The following MASP1 variants were observed in gnomAD, a reference collection of about 807,000 sequenced individuals.
The protein encoded by MASP1 is MBL associated serine protease 1.
In MASP1, 59 loss-of-function variants were observed where a neutral mutation model predicts 77.1. That is an observed-to-expected ratio of 0.77 (90% CI 0.62 to 0.95). MASP1 has a LOEUF of 0.95. MASP1 is among the 40% of genes least tolerant of loss of function. The pLI, the probability that MASP1 is intolerant of heterozygous loss-of-function variation, is 0.00. For synonymous variants in MASP1, 362 were observed against 354.5 expected, an observed-to-expected ratio of 1.02 and a Z score of -0.24; for missense variants, 885 against 912.9, an observed-to-expected ratio of 0.97 and a Z score of 0.39.
chr3:187,231,313 T>A (rs1579470366), downstream of MASP1, among the ~76,000 whole-genome samples: 1 of 152,216 alleles, frequency 6.6e-6, no homozygotes, highest in Non-Finnish European at 1.5e-5. Context: ...CAAAACACAG[T>A]CAAGACTTTT....
At chr3:187,223,136 G>A (rs778858434) in exon 14 of MASP1, 1 of 1,613,840 alleles carries the variant, frequency 6.2e-7, no homozygotes, top group Non-Finnish European at 8.5e-7. Context: ...CCTCCATCAG[G>A]GTCTCTGGGA....
At chr3:187,232,154 A>G (rs550150773), downstream of MASP1, among the ~76,000 whole-genome samples, 258 of 152,078 alleles carry the variant, frequency 1.7e-3, 1 homozygote, top group Non-Finnish European at 2.8e-3. Flanking sequence ...GGTGCTGTTG[A>G]CTACTTCATC....
intron 11 of MASP1, among the ~76,000 whole-genome samples, chr3:187,228,904 C>T (rs1712599409): frequency 1.3e-5 from 2 of 152,292 alleles, no homozygotes; most frequent in African/African-American, 4.8e-5. Context: ...TGATGCCTTG[C>T]CAAAGGGATC....
intron 2 of MASP1, chr3:187,276,919 C>G (rs898785696): frequency 6.6e-6 from 1 of 152,132 alleles, no homozygotes; most frequent in Admixed American, 6.5e-5. Flanking sequence ...GCCGGAAGGT[C>G]GAGGGCATGT....
At chr3:187,238,751 C>T (rs1409549015) in intron 10 of MASP1, among the ~76,000 whole-genome samples, 1 of 152,152 alleles carries the variant, frequency 6.6e-6, no homozygotes, top group East Asian at 1.9e-4. Flanking sequence ...CTACAAGTAG[C>T]CTTGTGCAAA....
rs1378650406 is a variant in MASP1 at position 187,260,742 on chromosome 3, T to A, written c.546A>T (p.Arg182=). The change falls in exon 4 of 11, where the codon CGA becomes CGT. Residue 182 remains arginine (R), a splice_region_variant and synonymous_variant. Coordinates refer to ENST00000296280, the MANE Select transcript of MASP1 (RefSeq NM_139125.4). The part of the protein sequence containing the change: ...YILHTDNRTC[R]VECSDNLFTQ... ...CATACAATCATTGGTAGGCTCTACC[T>A]CGGCAGGTCCTGTTGTCTGTGTGGA... is the stretch of plus-strand genomic sequence containing the variant. The A allele has an allele frequency of 6.2e-7, 1 of 1,614,190 alleles. No individual in the cohort carries two copies. The highest frequency in any genetic ancestry group is 8.5e-7 in the Non-Finnish European group (1 of 1,180,026).
chr3:187,251,571 A>T, intron 7 of MASP1, 63 bp downstream of exon 7: 2 of 1,297,786 alleles, frequency 1.5e-6, no homozygotes, highest in Middle Eastern at 2.2e-4. Context: ...TGCCCTGGGG[A>T]GGGGCAGGTT....
chr3:187,220,308 C>A, intron 15 of MASP1: 1 of 1,554,572 alleles, frequency 6.4e-7, no homozygotes, highest in Non-Finnish European at 8.8e-7. Context: ...CCCTTCCCAG[C>A]CCAAGTCTCC....
intron 15 of MASP1, chr3:187,220,265 G>A: frequency 5.0e-6 from 8 of 1,613,662 alleles, no homozygotes; most frequent in Non-Finnish European, 6.8e-6. Flanking sequence ...TTTCCCCCTA[G>A]GTGAAAAAGA....
chr3:187,253,390 C>T (rs1714799160), intron 5 of MASP1, 75 bp from the exon 6 acceptor site: 4 of 1,464,056 alleles, frequency 2.7e-6, no homozygotes, highest in Admixed American at 1.7e-5. Context: ...GCAGGTAACA[C>T]CTCTCCACTG....
chr3:187,220,606 T>C (rs1176629443), intron 15 of MASP1, among the ~76,000 whole-genome samples: 5 of 150,732 alleles, frequency 3.3e-5, no homozygotes, highest in Non-Finnish European at 5.9e-5. Flanking sequence ...CAAGTGATTC[T>C]CCCTCCTCAG....
At chr3:187,230,441 A>C (rs1712700115), downstream of MASP1, among the ~76,000 whole-genome samples, 1 of 152,218 alleles carries the variant, frequency 6.6e-6, no homozygotes, top group East Asian at 1.9e-4. Flanking sequence ...CTTTTGGTAC[A>C]GCCTTTTCAG....
In MASP1 at chr3:187,262,527, C is replaced by T. The variant is rs746067722; in HGVS notation, c.415+16G>A. On this transcript the variant is annotated intron_variant, in intron 3 of 10. Transcript: ENST00000296280. Reference sequence around the variant, plus strand: ...GAGAGAGAGAGACCTGAGGATGAGTCACTTCTCCAACTTACCCACAGCCAT... The same window carrying T: ...GAGAGAGAGAGACCTGAGGATGAGTTACTTCTCCAACTTACCCACAGCCAT... 8.7e-6 allele frequency: 14 copies of T among 1,613,758 alleles called. No individual in the cohort carries two copies. The South Asian group carries it at 9.9e-5, about 11-fold the overall frequency.
At chr3:187,280,540 A>G (rs1031972094) in intron 2 of MASP1, among the ~76,000 whole-genome samples, 1 of 152,220 alleles carries the variant, frequency 6.6e-6, no homozygotes, top group Non-Finnish European at 1.5e-5. Flanking sequence ...GTAAGTATAA[A>G]TGGACCACTT....
intron 9 of MASP1, chr3:187,243,249 A>G (rs927470601): frequency 1.8e-6 from 1 of 551,506 alleles, no homozygotes; most frequent in Non-Finnish European, 3.3e-6. Flanking sequence ...TTAAAGTTAA[A>G]AACAAAAAAG....
chr3:187,243,102 C>G (rs1713793802), intron 9 of MASP1: 1 of 317,408 alleles, frequency 3.2e-6, no homozygotes, highest in Admixed American at 4.4e-5. Flanking sequence ...AACCCCAACT[C>G]AGCCTCAGAC....
chr3:187,251,083 C>A (rs1234508825), intron 7 of MASP1, among the ~76,000 whole-genome samples: 2 of 152,110 alleles, frequency 1.3e-5, no homozygotes, highest in Non-Finnish European at 2.9e-5. Context: ...CTCAGCCTCC[C>A]AAGTAGCTGG....
chr3:187,282,207 A>C (rs1290335847), intron 2 of MASP1, among the ~76,000 whole-genome samples: 1 of 152,172 alleles, frequency 6.6e-6, no homozygotes, highest in Admixed American at 6.5e-5. Context: ...GAAGATTTTC[A>C]AGAAGAAAAT....
chr3:187,259,885 T>C (rs1240062624), intron 4 of MASP1, among the ~76,000 whole-genome samples: 2 of 152,224 alleles, frequency 1.3e-5, no homozygotes, highest in East Asian at 3.8e-4. Flanking sequence ...CACTAATCTA[T>C]TGACTGTTCC....
Sources: allele counts gnomAD v4.1 joint callset (sites outside exome capture counted in the v4.1 genomes callset), GRCh38; gene constraint gnomAD v4.1.1; transcripts MANE v1.5; gene names NCBI Gene and HGNC (gene_info 2026-07-23, HGNC 2026-07-21).